The following GDF15 variants were observed in gnomAD, a reference collection of about 807,000 sequenced individuals.
The protein encoded by GDF15 is growth/differentiation factor 15.
In GDF15, 10 loss-of-function variants were observed where a neutral mutation model predicts 8.9. That is an observed-to-expected ratio of 1.12 (90% confidence interval 0.69 to 1.90). GDF15 has a LOEUF of 1.90. GDF15 is among the 40% of genes most tolerant of loss of function. The pLI is 0.00. For missense variants in GDF15, 452 were observed against 434.2 expected, an observed-to-expected ratio of 1.04 and a Z score of -0.36; for synonymous variants, 228 against 210.6, an observed-to-expected ratio of 1.08 and a Z score of -0.72.
chr19:18,388,333 G>T lies in GDF15; in HGVS notation c.325G>T (p.Ala109Ser), dbSNP rs769647608. 41 of 1,610,872 alleles carry T rather than the reference G, an allele frequency of 2.5e-5. No individual in the cohort carries two copies. The highest frequency in any genetic ancestry group is 2.0e-4 in the Middle Eastern group (1 of 4,892). Residue 109 changes from alanine to serine, a missense_variant, in exon 2 of 2, where the codon GCC (alanine) becomes TCC (serine). Coordinates refer to ENST00000252809, the MANE Select transcript of GDF15 (RefSeq NM_004864.4). The surrounding 1 kb of genome is among the most constrained non-coding windows in gnomAD (Gnocchi z 4.2). Reference protein sequence around the residue: ...GHLHLRISRAALPEGLPEASR... With the variant: ...GHLHLRISRASLPEGLPEASR... ...CCTGCACCTGCGTATCTCTCGGGCC[G>T]CCCTTCCCGAGGGGCTCCCCGAGGC...
chr19:18,387,839 T>TTTTTTTTTTTTTTTTTTTTTTG (rs1199190336), intron 1 of GDF15, among the ~76,000 whole-genome samples: 1 of 103,572 alleles, frequency 9.7e-6, no homozygotes, highest in Non-Finnish European at 2.1e-5. Context: ...TTTTTTTTTT[T>TTTTTTTTTTTTTTTTTTTTTTG]GAGAGGGAGT....
rs1452323772 is a variant in GDF15 at position 18,388,744 on chromosome 19, A to T, written c.736A>T (p.Ser246Cys). ...QVTMCIGACP[S>C]QFRAANMHAQ... ...GACCATGTGCATCGGCGCGTGCCCGAGCCAGTTCCGGGCGGCAAACATGCA... is the reference window on the plus strand; with the variant it reads ...GACCATGTGCATCGGCGCGTGCCCGTGCCAGTTCCGGGCGGCAAACATGCA... Residue 246 changes from serine (S) to cysteine (C), a missense_variant, in exon 2 of 2, where the codon AGC becomes TGC. Coordinates refer to ENST00000252809, the MANE Select transcript of GDF15 (RefSeq NM_004864.4). This position sits in a 1 kb window ranked among gnomAD's most constrained non-coding sequence, Gnocchi z 4.2. 8 of 1,609,326 alleles carry T rather than the reference A, an allele frequency of 5.0e-6. No homozygotes were observed. Among genetic ancestry groups the T allele is most frequent in the Non-Finnish European group, 6.8e-6 (8 of 1,179,504 alleles).
intron 1 of GDF15, among the ~76,000 whole-genome samples, chr19:18,387,391 A>T (rs1159037327): frequency 1.3e-5 from 2 of 152,252 alleles, no homozygotes; most frequent in Middle Eastern, 3.4e-3. Flanking sequence ...TTAGCCAGAC[A>T]TGATGGTGTG....
At position 18,388,405 on chromosome 19, in the gene GDF15, A is replaced by G. The variant is rs1200216920; in HGVS notation, c.397A>G (p.Arg133Gly). ...ALFRLSPTAS[R>G]SWDVTRPLRR... Reference sequence around the variant, plus strand: ...GTTCCGGCTGTCCCCGACGGCGTCAAGGTCGTGGGACGTGACACGACCGCT... The same window carrying G: ...GTTCCGGCTGTCCCCGACGGCGTCAGGGTCGTGGGACGTGACACGACCGCT... Residue 133 changes from arginine to glycine, a missense_variant, in exon 2 of 2, where the codon AGG becomes GGG. Physicochemically the swap from Arg to Gly is moderately radical, Grantham distance 125. Coordinates refer to ENST00000252809, the MANE Select transcript of GDF15 (RefSeq NM_004864.4). This position sits in a 1 kb window ranked among gnomAD's most constrained non-coding sequence, Gnocchi z 4.2. The G allele has an allele frequency of 6.2e-7, 1 of 1,611,204 alleles. No individual in the cohort carries two copies. The highest frequency in any genetic ancestry group is 2.2e-5 in the East Asian group (1 of 44,838).
chr19:18,388,806 C>G lies in GDF15; in HGVS notation c.798C>G (p.Pro266=). ...QIKTSLHRLK[P]DTVPAPCCVP... Reference sequence around the variant, plus strand: ...AGACGAGCCTGCACCGCCTGAAGCCCGACACGGTGCCAGCGCCCTGCTGCG... The same window carrying G: ...AGACGAGCCTGCACCGCCTGAAGCCGGACACGGTGCCAGCGCCCTGCTGCG... The change falls in exon 2 of 2, where the codon CCC becomes CCG. Residue 266 remains proline (P), a synonymous_variant. Transcript: ENST00000252809. This position sits in a 1 kb window ranked among gnomAD's most constrained non-coding sequence, Gnocchi z 4.2. 2 of 1,611,920 alleles carry G rather than the reference C, an allele frequency of 1.2e-6. No individual in the cohort carries two copies. The highest frequency in any genetic ancestry group is 1.3e-5 in the African/African-American group (1 of 75,066).
chr19:18,387,381 T>G (rs1971843746), intron 1 of GDF15, among the ~76,000 whole-genome samples: 1 of 152,064 alleles, frequency 6.6e-6, no homozygotes, highest in African/African-American at 2.4e-5. Context: ...TTAAAAAAAA[T>G]TAGCCAGACA....
In GDF15 at chr19:18,389,028, G is replaced by A; in HGVS notation, c.*93G>A. On this transcript the variant is annotated 3_prime_UTR_variant, in exon 2 of 2. Transcript: ENST00000252809. ...TGGGCTCAAGGTTCCTGAGACACCCGATTCCTGCCCAAACAGCTGTATTTA... is the reference window on the plus strand; with the variant it reads ...TGGGCTCAAGGTTCCTGAGACACCCAATTCCTGCCCAAACAGCTGTATTTA... 1 of 783,176 alleles carries A rather than the reference G, an allele frequency of 1.3e-6. No homozygotes were observed. Among genetic ancestry groups the A allele is most frequent in the Non-Finnish European group, 2.0e-6 (1 of 491,120 alleles). The allele number at this position is 783,176 out of a possible 1,614,324, so 48.5% of individuals were successfully genotyped here.
At position 18,386,241 on chromosome 19, in the gene GDF15, T is replaced by C. The variant is rs1600248651; in HGVS notation, c.52T>C (p.Leu18=). ...GAATGGCTCTCAGATGCTCCTGGTGTTGCTGGTGCTCTCGTGGCTGCCGCA... is the reference window on the plus strand; with the variant it reads ...GAATGGCTCTCAGATGCTCCTGGTGCTGCTGGTGCTCTCGTGGCTGCCGCA... ...TVNGSQMLLV[L]LVLSWLPHGG... The change falls in exon 1 of 2, where the codon TTG becomes CTG. Residue 18 remains leucine, a synonymous_variant. Coordinates refer to ENST00000252809, the MANE Select transcript of GDF15 (RefSeq NM_004864.4). 6.2e-7 allele frequency: 1 copy of C among 1,613,598 alleles called. No individual in the cohort carries two copies. Among genetic ancestry groups the C allele is most frequent in the African/African-American group, 1.3e-5 (1 of 75,024 alleles).
At position 18,388,770 on chromosome 19, in the gene GDF15, C is replaced by G; in HGVS notation, c.762C>G (p.His254Gln). Residue 254 changes from histidine (H) to glutamine (Q), a missense_variant, in exon 2 of 2, where the codon CAC (histidine) becomes CAG (glutamine). By Grantham distance (24) the His-to-Gln change is conservative. Transcript: ENST00000252809. The surrounding 1 kb of genome is among the most constrained non-coding windows in gnomAD (Gnocchi z 4.2). ...GCCAGTTCCGGGCGGCAAACATGCA[C>G]GCGCAGATCAAGACGAGCCTGCACC... ...CPSQFRAANM[H>Q]AQIKTSLHRL... 6.2e-7 allele frequency: 1 copy of G among 1,610,038 alleles called. No homozygotes were observed. The highest frequency in any genetic ancestry group is 1.1e-5 in the South Asian group (1 of 91,034).
rs775695357 is a variant in GDF15 at position 18,388,623 on chromosome 19, C to G, written c.615C>G (p.Leu205=). The G allele has an allele frequency of 6.3e-6, 10 of 1,597,386 alleles. No homozygotes were observed. Among genetic ancestry groups the G allele is most frequent in the Non-Finnish European group, 7.7e-6 (9 of 1,174,994 alleles). The change falls in exon 2 of 2, where the codon CTC becomes CTG. Residue 205 remains leucine, a synonymous_variant. Coordinates refer to ENST00000252809, the MANE Select transcript of GDF15 (RefSeq NM_004864.4). This position sits in a 1 kb window ranked among gnomAD's most constrained non-coding sequence, Gnocchi z 4.2. ...ARARNGDHCP[L]GPGRCCRLHT... is the part of the protein sequence containing the mutation. ...CGCGCAACGGGGACCACTGTCCGCT[C>G]GGGCCCGGGCGTTGCTGCCGTCTGC... is the stretch of plus-strand genomic sequence containing the variant.
Position 18,388,324 on chromosome 19 carries a change from T to C in GDF15, c.316T>C (p.Ser106Pro). 6.2e-7 allele frequency: 1 copy of C among 1,610,874 alleles called. No homozygotes were observed. Among genetic ancestry groups the C allele is most frequent in the Non-Finnish European group, 8.5e-7 (1 of 1,179,798 alleles). ...CGGCGGCCACCTGCACCTGCGTATC[T>C]CTCGGGCCGCCCTTCCCGAGGGGCT... is the stretch of plus-strand genomic sequence containing the variant. ...GSGGHLHLRI[S>P]RAALPEGLPE... is the part of the protein sequence containing the mutation. The change falls in exon 2 of 2, where the codon TCT becomes CCT. Residue 106 changes from serine to proline, a missense_variant. By Grantham distance (74) the Ser-to-Pro change is moderately conservative. Transcript: ENST00000252809. This position sits in a 1 kb window ranked among gnomAD's most constrained non-coding sequence, Gnocchi z 4.2.
In GDF15 at chr19:18,388,620, G is replaced by C; in HGVS notation, c.612G>C (p.Pro204=). ...GTGCGCGCAACGGGGACCACTGTCC[G>C]CTCGGGCCCGGGCGTTGCTGCCGTC... ...RARARNGDHC[P]LGPGRCCRLH... is the part of the protein sequence containing the mutation. Residue 204 remains proline, a synonymous_variant, in exon 2 of 2, where the codon CCG becomes CCC. Coordinates refer to ENST00000252809, the MANE Select transcript of GDF15 (RefSeq NM_004864.4). The surrounding 1 kb of genome is among the most constrained non-coding windows in gnomAD (Gnocchi z 4.2). 1 of 1,598,024 alleles carries C rather than the reference G, an allele frequency of 6.3e-7. No individual in the cohort carries two copies. The highest frequency in any genetic ancestry group is 2.2e-5 in the East Asian group (1 of 44,594).
Position 18,388,613 on chromosome 19 carries a change from A to G in GDF15, c.605A>G (p.His202Arg), listed in dbSNP as rs1175869015. The change falls in exon 2 of 2, where the codon CAC becomes CGC. Residue 202 changes from histidine to arginine, a missense_variant. Transcript: ENST00000252809. The surrounding 1 kb of genome is among the most constrained non-coding windows in gnomAD (Gnocchi z 4.2). ...AGAGCGCGTGCGCGCAACGGGGACC[A>G]CTGTCCGCTCGGGCCCGGGCGTTGC... is the stretch of plus-strand genomic sequence containing the variant. ...RRRARARNGD[H>R]CPLGPGRCCR... The G allele has an allele frequency of 6.9e-6, 11 of 1,599,642 alleles. No individual in the cohort carries two copies. The highest frequency in any genetic ancestry group is 2.2e-5 in the East Asian group (1 of 44,620).
rs114827523 is a variant in GDF15, at chr19:18,386,458, C to A, written c.269C>A (p.Thr90Lys). The A allele has an allele frequency of 5.6e-6, 9 of 1,609,144 alleles. No individual in the cohort carries two copies. The highest frequency in any genetic ancestry group is 6.8e-6 in the Non-Finnish European group (8 of 1,176,676). The change falls in exon 1 of 2, where the codon ACG (threonine) becomes AAG (lysine). Residue 90 changes from threonine (T) to lysine (K), a missense_variant. Thr to Lys is a moderately conservative substitution (Grantham distance 78). Coordinates refer to ENST00000252809, the MANE Select transcript of GDF15 (RefSeq NM_004864.4). ...LVPAPAVRIL[T>K]PEVRLGSGGH... is the part of the protein sequence containing the mutation. ...CCGGCCCCTGCAGTCCGGATACTCACGCCAGAAGGTAAGTGAAATCTTAGA... is the reference window on the plus strand; with the variant it reads ...CCGGCCCCTGCAGTCCGGATACTCAAGCCAGAAGGTAAGTGAAATCTTAGA...
In GDF15 at chr19:18,388,502, AGTCG is replaced by A. The variant is rs1401099847; in HGVS notation, c.496_499del (p.Ser166ThrfsTer71). 1 of 1,599,472 alleles carries A rather than the reference AGTCG, an allele frequency of 6.3e-7. No individual in the cohort carries two copies. Among genetic ancestry groups the A allele is most frequent in the African/African-American group, 1.3e-5 (1 of 74,748 alleles). On this transcript the variant is annotated frameshift_variant, in exon 2 of 2. Transcript: ENST00000252809. LOFTEE classifies it low-confidence loss of function (END_TRUNC). The surrounding 1 kb of genome is among the most constrained non-coding windows in gnomAD (Gnocchi z 4.2). ...CTGCGACTGTCGCCGCCGCCGTCGC[AGTCG>A]GACCAACTGCTGGCAGAATCTTCGT...
At chr19:18,387,816 T>A (rs1971848220) in intron 1 of GDF15, among the ~76,000 whole-genome samples, 1 of 51,406 alleles carries the variant, frequency 1.9e-5, no homozygotes, top group Non-Finnish European at 5.1e-5. Context: ...AAATGCCCTT[T>A]TTTTTTTTTT....
At chr19:18,387,522 TAATAAATA>T (rs1048930162) in intron 1 of GDF15, among the ~76,000 whole-genome samples, 2 of 152,024 alleles carry the variant, frequency 1.3e-5, no homozygotes, top group Admixed American at 6.6e-5. Flanking sequence ...AGCAAGACCA[TAATAAATA>T]AATAAATAAG....
At chr19:18,386,748 C>T (rs138494600) in intron 1 of GDF15, 245 of 486,342 alleles carry the variant, frequency 5.0e-4, no homozygotes, top group Middle Eastern at 4.0e-3. Context: ...CCTGGGAAAC[C>T]CGGGGACGGG....
chr19:18,386,876 G>C (rs932915219), intron 1 of GDF15: 3 of 196,974 alleles, frequency 1.5e-5, no homozygotes, highest in African/African-American at 7.0e-5. Context: ...GCTGGAGCTG[G>C]TTCTGAATCT....
Sources: allele counts gnomAD v4.1 joint callset (sites outside exome capture counted in the v4.1 genomes callset), GRCh38; gene constraint gnomAD v4.1.1; non-coding constraint Gnocchi (gnomAD v3.1); transcripts MANE v1.5; gene names NCBI Gene and HGNC (gene_info 2026-07-23, HGNC 2026-07-21).